Variants in QKI observed in about 807,000 individuals in gnomAD.
QKI encodes the protein QKI, KH domain containing RNA binding.
A neutral mutation model predicts 39.0 loss-of-function variants in QKI; 10 were observed. The ratio of observed to expected loss-of-function variants is 0.26; its 90% confidence interval spans 0.16 to 0.43. The LOEUF (loss-of-function observed/expected upper bound fraction) is 0.43, where lower values mean the gene tolerates loss of function less well. Among genes scored for constraint, QKI ranks in the 20% least tolerant of loss-of-function variants. QKI has a pLI of 1.00. For synonymous variants in QKI, 204 were observed against 155.4 expected (o/e 1.31, Z -2.33); for missense variants, 218 against 428.0 (o/e 0.51, Z 4.33).
At chr6:163,476,369 GTC>G (rs1238935574) in intron 2 of QKI, among the ~76,000 whole-genome samples, 4 of 140,762 alleles carry the variant, frequency 2.8e-5, no homozygotes, top group Non-Finnish European at 4.5e-5. Context: ...ATCTTGTCCT[GTC>G]TCTCTCATGA....
At chr6:163,479,125 A>G (rs1456323695) in intron 3 of QKI, among the ~76,000 whole-genome samples, 1 of 5,924 alleles carries the variant, frequency 1.7e-4, no homozygotes, top group Non-Finnish European at 2.8e-4. Context: ...GTCTTTACTA[A>G]AAAAAATACA....
chr6:163,451,811 C>G (rs1255938744), intron 1 of QKI, among the ~76,000 whole-genome samples: 1 of 152,096 alleles, frequency 6.6e-6, no homozygotes, highest in Non-Finnish European at 1.5e-5. Context: ...TGAAGCATTC[C>G]TATGTTTCAT....
At position 163,469,841 on chromosome 6, in the gene QKI, T is replaced by G. The variant is rs577977366; in HGVS notation, c.286-8939T>G. Among the ~76,000 whole-genome samples the G allele has an allele frequency of 1.5e-4, 23 of 152,276 alleles. No homozygotes were observed. In the South Asian group the frequency reaches 4.4e-3, roughly 29 times the overall value. On this transcript the variant is annotated intron_variant, in intron 2 of 7. Transcript: ENST00000361752. ...CATAAGGCCAGGCATGTTGATAGAT[T>G]TTCTGTTATGTTTCTTTTTTATTCA...
chr6:163,446,391 A>G (rs1373843022), intron 1 of QKI, among the ~76,000 whole-genome samples: 2 of 152,218 alleles, frequency 1.3e-5, no homozygotes, highest in East Asian at 3.8e-4. Flanking sequence ...TTTCAGAAAT[A>G]TTAAAGGATT....
chr6:163,449,766 T>G (rs1173867307), intron 1 of QKI, among the ~76,000 whole-genome samples: 1 of 152,186 alleles, frequency 6.6e-6, no homozygotes, highest in African/African-American at 2.4e-5. Context: ...TGTATTTGAT[T>G]CTTTGGCTTT....
intron 1 of QKI, among the ~76,000 whole-genome samples, chr6:163,449,291 A>G (rs753931556): frequency 2.0e-5 from 3 of 152,206 alleles, no homozygotes; most frequent in Non-Finnish European, 4.4e-5. Context: ...TTTACTGACA[A>G]CTAAGATTTT....
In QKI at chr6:163,526,737, A is replaced by G. The variant is rs112080603; in HGVS notation, c.403-8245A>G. ...CATCAAGATCATATTCAGCTTTTCA[A>G]CTGATCTTGTTCAGAATTGTTTCTG... On this transcript the variant is annotated intron_variant, in intron 3 of 7. Coordinates refer to ENST00000361752, the MANE Select transcript of QKI (RefSeq NM_006775.3). Among the ~76,000 whole-genome samples, 1,208 of 152,252 alleles carry G rather than the reference A, an allele frequency of 7.9e-3. 17 individuals carry two copies. Among genetic ancestry groups the G allele is most frequent in the African/African-American group, 0.027 (1,142 of 41,534 alleles).
At position 163,563,727 on chromosome 6, in the gene QKI, C is replaced by A; in HGVS notation, c.934+8C>A. ...AACCTAGTGGTGTATTAGGTAAGTT[C>A]TTCTCCCCATGGGGTTAACAACATT... On this transcript the variant is annotated splice_region_variant and intron_variant, in intron 6 of 7. Coordinates refer to ENST00000361752, the MANE Select transcript of QKI (RefSeq NM_006775.3). The A allele has an allele frequency of 2.5e-6, 4 of 1,609,678 alleles. No homozygotes were observed. The highest frequency in any genetic ancestry group is 3.4e-6 in the Non-Finnish European group (4 of 1,177,110).
chr6:163,567,088 T>A (rs946408625), intron 7 of QKI: 1 of 1,057,570 alleles, frequency 9.5e-7, no homozygotes, highest in Admixed American at 5.2e-5. Context: ...TGATGTTGCC[T>A]CAGTTATTTT....
intron 3 of QKI, among the ~76,000 whole-genome samples, chr6:163,530,728 G>A (rs919252027): frequency 2.0e-5 from 3 of 152,072 alleles, no homozygotes; most frequent in African/African-American, 7.2e-5. Flanking sequence ...GGGTTGGTCG[G>A]TCTCTCTCTT....
At chr6:163,517,670 A>G (rs529239816) in intron 3 of QKI, among the ~76,000 whole-genome samples, 8 of 152,132 alleles carry the variant, frequency 5.3e-5, no homozygotes, top group Non-Finnish European at 1.2e-4. Flanking sequence ...CACCTCTTGA[A>G]AAAATATACT....
intron 3 of QKI, among the ~76,000 whole-genome samples, chr6:163,533,872 T>C (rs1781030745): frequency 6.6e-6 from 1 of 152,202 alleles, no homozygotes; most frequent in African/African-American, 2.4e-5. Context: ...GCATTTACTG[T>C]TAAAATTTAT....
chr6:163,552,500 G>A (rs542706886), intron 4 of QKI, among the ~76,000 whole-genome samples: 18 of 151,950 alleles, frequency 1.2e-4, no homozygotes, highest in Non-Finnish European at 2.2e-4. Context: ...GTGAGCCACC[G>A]TGCCCAGCCT....
intron 1 of QKI, among the ~76,000 whole-genome samples, chr6:163,424,401 C>A (rs533684513): frequency 2.0e-5 from 3 of 152,146 alleles, no homozygotes; most frequent in African/African-American, 7.2e-5. Context: ...GCTAATGAGA[C>A]CCTGTGATGA....
chr6:163,550,170 G>T (rs1399343080), intron 4 of QKI, among the ~76,000 whole-genome samples: 1 of 152,180 alleles, frequency 6.6e-6, no homozygotes, highest in Non-Finnish European at 1.5e-5. Flanking sequence ...GAAGTCTAAG[G>T]TCAAAGGGTG....
At chr6:163,558,741 G>A (rs1208910792) in intron 4 of QKI, among the ~76,000 whole-genome samples, 1 of 152,148 alleles carries the variant, frequency 6.6e-6, no homozygotes, top group African/African-American at 2.4e-5. Flanking sequence ...ATCATGCCCT[G>A]TGAATACAGA....
chr6:163,503,112 CT>C (rs1216515555), intron 3 of QKI, among the ~76,000 whole-genome samples: 1 of 146,758 alleles, frequency 6.8e-6, no homozygotes, highest in Admixed American at 6.8e-5. Flanking sequence ...TGTTGAGCAT[CT>C]TTTCATGTTT....
chr6:163,564,321 G>T, intron 6 of QKI: 1 of 1,021,574 alleles, frequency 9.8e-7, no homozygotes, highest in Non-Finnish European at 1.2e-6. Context: ...AGACATAGAT[G>T]ATATCGTTTA....
chr6:163,564,169 T>C, intron 6 of QKI: 2 of 1,021,502 alleles, frequency 2.0e-6, no homozygotes, highest in Non-Finnish European at 2.3e-6. Context: ...TTCATATTAT[T>C]GTGTGTGTTT....
Sources: gnomAD v4.1 joint callset for allele counts (sites outside exome capture counted in the v4.1 genomes callset) on GRCh38, gnomAD v4.1.1 for gene constraint, MANE v1.5 for transcripts, NCBI Gene and HGNC (gene_info 2026-07-23, HGNC 2026-07-21) for gene names.